The following ALDH2 variants were observed in gnomAD, a reference collection of about 807,000 sequenced individuals.
ALDH2 encodes the protein aldehyde dehydrogenase 2 family member.
ALDH2 carries 44 observed loss-of-function variants against 59.6 expected under a neutral mutation model. The observed-to-expected ratio is 0.74, with a 90% CI of 0.58 to 0.95. The LOEUF (loss-of-function observed/expected upper bound fraction) is 0.95, where lower values mean the gene tolerates loss of function less well. Among genes scored for constraint, ALDH2 ranks in the 40% least tolerant of loss-of-function variants. ALDH2 has a pLI of 0.00. For synonymous variants in ALDH2, 291 were observed against 284.0 expected (o/e 1.02, Z -0.25); for missense variants, 570 against 696.3 (o/e 0.82, Z 2.04).
chr12:111,808,397 A>G (rs11066029), intron 12 of ALDH2, among the ~76,000 whole-genome samples: 10,729 of 152,150 alleles, frequency 0.071, 1,478 homozygotes, highest in East Asian at 0.61. Flanking sequence ...ATATCTCAAG[A>G]AAGTTGTTTA....
In ALDH2 at chr12:111,792,730, A is replaced by C; in HGVS notation, c.1031A>C (p.Lys344Thr). The change falls in exon 9 of 13, where the codon AAG (lysine) becomes ACG (threonine). Residue 344 changes from lysine to threonine, a missense_variant. Coordinates refer to ENST00000261733, the MANE Select transcript of ALDH2 (RefSeq NM_000690.4). Reference protein sequence around the residue: ...EFVERSVARAKSRVVGNPFDS... With the variant: ...EFVERSVARATSRVVGNPFDS... ...GTGGAGCGGAGCGTTGCCCGGGCCA[A>C]GTCTCGGGTGGTCGGGAACCCCTTT... 1.3e-6 allele frequency: 2 copies of C among 1,576,212 alleles called. No homozygotes were observed. Among genetic ancestry groups the C allele is most frequent in the Non-Finnish European group, 1.7e-6 (2 of 1,161,248 alleles).
intron 9 of ALDH2, among the ~76,000 whole-genome samples, chr12:111,796,445 T>C (rs1017773992): frequency 2.6e-5 from 4 of 152,066 alleles, no homozygotes; most frequent in Non-Finnish European, 5.9e-5. Flanking sequence ...AAGGCTGCAG[T>C]GAGCAGTGAT....
rs187906572 is a variant in ALDH2, at chr12:111,772,510, G to A, written c.114+5414G>A. ...CTCCTGAGTAGCTGGGATTACGGGT[G>A]CCGCCACCATGCCCAGCTAATTTTG... is the stretch of plus-strand genomic sequence containing the variant. On this transcript the variant is annotated intron_variant, in intron 1 of 12. Transcript: ENST00000261733. Among the ~76,000 whole-genome samples the A allele has an allele frequency of 1.7e-3, 256 of 151,882 alleles. 1 individual carries two copies. The highest frequency in any genetic ancestry group is 6.0e-3 in the African/African-American group (248 of 41,444).
chr12:111,804,912 A>G lies in ALDH2; in HGVS notation c.1521+939A>G, dbSNP rs538812438. Among the ~76,000 whole-genome samples the G allele has an allele frequency of 7.2e-5, 11 of 152,316 alleles. No individual in the cohort carries two copies. The East Asian group carries it at 1.5e-3, about 21-fold the overall frequency. Reference sequence around the variant, plus strand: ...GCATCTCCTTTGATTTGCAACTTCAATGACTGGAATATAGCCTGAAGGACC... The same window carrying G: ...GCATCTCCTTTGATTTGCAACTTCAGTGACTGGAATATAGCCTGAAGGACC... On this transcript the variant is annotated intron_variant, in intron 12 of 12. Coordinates refer to ENST00000261733, the MANE Select transcript of ALDH2 (RefSeq NM_000690.4).
At chr12:111,805,368 A>G (rs995763360) in intron 12 of ALDH2, among the ~76,000 whole-genome samples, 4 of 151,546 alleles carry the variant, frequency 2.6e-5, no homozygotes, top group African/African-American at 9.7e-5. Flanking sequence ...TGGAATCACC[A>G]GGCTGGAGTG....
chr12:111,794,882 T>C (rs543521596), intron 9 of ALDH2, among the ~76,000 whole-genome samples: 1 of 152,282 alleles, frequency 6.6e-6, no homozygotes, highest in South Asian at 2.1e-4. Context: ...TAGTGTACGA[T>C]TCAGTGATTT....
intron 1 of ALDH2, among the ~76,000 whole-genome samples, chr12:111,774,463 C>T (rs892224661): frequency 5.9e-5 from 9 of 152,160 alleles, no homozygotes; most frequent in African/African-American, 9.7e-5. Context: ...GCTGCAAAAC[C>T]GCGCCATTAG....
At chr12:111,781,188 G>A (rs2052017745) in intron 1 of ALDH2, among the ~76,000 whole-genome samples, 1 of 152,154 alleles carries the variant, frequency 6.6e-6, no homozygotes. Context: ...ATAGAATGAA[G>A]GTGGTTGCAA....
chr12:111,808,983 A>G (rs1355976260), intron 12 of ALDH2, among the ~76,000 whole-genome samples: 1 of 152,134 alleles, frequency 6.6e-6, no homozygotes, highest in Admixed American at 6.6e-5. Context: ...CAGTCCTGTG[A>G]TAGGGAACAC....
chr12:111,801,535 C>T (rs996616828), intron 11 of ALDH2, among the ~76,000 whole-genome samples: 1 of 151,962 alleles, frequency 6.6e-6, no homozygotes, highest in Non-Finnish European at 1.5e-5. Flanking sequence ...CTTATCTCTA[C>T]TAAAAACACA....
At chr12:111,775,116 C>T (rs1343023423) in intron 1 of ALDH2, among the ~76,000 whole-genome samples, 1 of 152,202 alleles carries the variant, frequency 6.6e-6, no homozygotes, top group Non-Finnish European at 1.5e-5. Flanking sequence ...GAATAACGTC[C>T]AAGAGAAACT....
At chr12:111,771,153 T>C (rs1390554993) in intron 1 of ALDH2, among the ~76,000 whole-genome samples, 2 of 151,926 alleles carry the variant, frequency 1.3e-5, no homozygotes, top group African/African-American at 4.8e-5. Context: ...CCCAGCACTT[T>C]CAGAGGCTAA....
rs1322199725 is a variant in ALDH2, at chr12:111,792,107, G to A, written c.842G>A (p.Arg281Lys). 1.2e-6 allele frequency: 2 copies of A among 1,609,248 alleles called. No homozygotes were observed. Among genetic ancestry groups the A allele is most frequent in the African/African-American group, 2.7e-5 (2 of 74,446 alleles). ...GCTGCTGGGAGCAGCAACCTCAAGA[G>A]AGTGACCTTGGAGCTGGGGGGGAAG... is the stretch of plus-strand genomic sequence containing the variant. The part of the protein sequence containing the change: ...QVAAGSSNLK[R>K]VTLELGGKSP... Residue 281 changes from arginine (R) to lysine (K), a missense_variant, in exon 8 of 13, where the codon AGA (arginine) becomes AAA (lysine). Physicochemically the swap from Arg to Lys is conservative, Grantham distance 26 (BLOSUM62 2). Transcript: ENST00000261733.
At position 111,791,356 on chromosome 12, in the gene ALDH2, G is replaced by A. The variant is rs139862632; in HGVS notation, c.732G>A (p.Thr244=). The A allele has an allele frequency of 1.3e-5, 21 of 1,613,944 alleles. No individual in the cohort carries two copies. Among genetic ancestry groups the A allele is most frequent in the East Asian group, 2.2e-5 (1 of 44,892 alleles). Residue 244 remains threonine, a synonymous_variant, in exon 7 of 13, where the codon ACG becomes ACA. Transcript: ENST00000261733. ...VVNIVPGFGP[T]AGAAIASHED... is the part of the protein sequence containing the mutation. ...ACATTGTGCCTGGATTTGGCCCCAC[G>A]GCTGGGGCCGCCATTGCCTCCCATG...
chr12:111,796,804 C>T (rs1056615968), intron 9 of ALDH2, among the ~76,000 whole-genome samples: 2 of 151,986 alleles, frequency 1.3e-5, no homozygotes, highest in African/African-American at 4.8e-5. Flanking sequence ...ACTCGGGAGA[C>T]TGAGATGAGA....
chr12:111,775,135 C>T (rs1476403083), intron 1 of ALDH2, among the ~76,000 whole-genome samples: 2 of 152,176 alleles, frequency 1.3e-5, no homozygotes, highest in Non-Finnish European at 2.9e-5. Flanking sequence ...CTGAGAAAAG[C>T]GAGTTAGCAA....
At chr12:111,802,647 A>G (rs545930817) in intron 11 of ALDH2, among the ~76,000 whole-genome samples, 9 of 151,922 alleles carry the variant, frequency 5.9e-5, no homozygotes, top group South Asian at 4.2e-4. Context: ...TTGGGAGGCC[A>G]AGGCGGGCGG....
chr12:111,807,144 T>C (rs569719481), intron 12 of ALDH2, among the ~76,000 whole-genome samples: 58 of 151,948 alleles, frequency 3.8e-4, no homozygotes, highest in African/African-American at 1.3e-3. Context: ...GTGCCTGTAA[T>C]CCCAGCTACT....
intron 11 of ALDH2, among the ~76,000 whole-genome samples, chr12:111,802,996 G>T (rs1036998990): frequency 1.3e-5 from 2 of 151,550 alleles, no homozygotes; most frequent in African/African-American, 4.8e-5. Flanking sequence ...TTTGAGACCA[G>T]CCTGACCAAC....
Sources: gnomAD v4.1 joint callset for allele counts (sites outside exome capture counted in the v4.1 genomes callset) on GRCh38, gnomAD v4.1.1 for gene constraint, MANE v1.5 for transcripts, NCBI Gene and HGNC (gene_info 2026-07-23, HGNC 2026-07-21) for gene names.